The following MKNK2 variants were observed in gnomAD, a reference collection of about 807,000 sequenced individuals.
The protein encoded by MKNK2 is MAPK interacting serine/threonine kinase 2, also known as MAP kinase-interacting serine/threonine-protein kinase 2.
MKNK2 carries 54 observed loss-of-function variants against 55.0 expected under a neutral mutation model. The observed-to-expected ratio is 0.98, with a 90% CI of 0.79 to 1.23. MKNK2 has a LOEUF of 1.23. MKNK2 is among the 50% of genes most tolerant of loss of function. MKNK2 has a pLI of 0.00. For synonymous variants in MKNK2, 323 were observed against 256.0 expected, an observed-to-expected ratio of 1.26 and a Z score of -2.50; for missense variants, 685 against 632.1, an observed-to-expected ratio of 1.08 and a Z score of -0.90.
Position 2,042,047 on chromosome 19 carries a change from G to A in MKNK2, c.751-13C>T, listed in dbSNP as rs116957729. The A allele has an allele frequency of 2.7e-6, 4 of 1,470,944 alleles. No homozygotes were observed. Among genetic ancestry groups the A allele is most frequent in the Non-Finnish European group, 3.6e-6 (4 of 1,109,862 alleles). The allele number at this position is 1,470,944 out of a possible 1,614,324, so 91.1% of individuals were successfully genotyped here. ...CCGCCGAGCCGCACTGCGGGCGGGGGAGGGGCGCGTCAGCCGGGGTTTCCC... is the reference window on the plus strand; with the variant it reads ...CCGCCGAGCCGCACTGCGGGCGGGGAAGGGGCGCGTCAGCCGGGGTTTCCC... On this transcript the variant is annotated splice_polypyrimidine_tract_variant and intron_variant, in intron 10 of 13. Transcript: ENST00000250896.
chr19:2,040,308 C>T (rs776337977), intron 12 of MKNK2, 131 bp from the exon 13 acceptor site: 1 of 817,586 alleles, frequency 1.2e-6, no homozygotes. Flanking sequence ...AGGAGTGCAC[C>T]TGGGTGCCCC....
chr19:2,046,583 C>T, intron 3 of MKNK2, 21 bp downstream of exon 3: 1 of 1,557,600 alleles, frequency 6.4e-7, no homozygotes, highest in Non-Finnish European at 8.7e-7. Flanking sequence ...CCTGTGCCCT[C>T]CTCCCCCTCG....
In MKNK2 at chr19:2,037,847, A is replaced by AAAAAAAC; in HGVS notation, c.*1765_*1766insGTTTTTT. On this transcript the variant is annotated 3_prime_UTR_variant, in exon 14 of 14. Transcript: ENST00000250896. ...TGTCCCACCTTCAGAAAAAAAAAAA[A>AAAAAAAC]AAACAAACAAACAAACGCTGCTAGC... is the stretch of plus-strand genomic sequence containing the variant. 6.6e-7 allele frequency: 1 copy of AAAAAAAC among 1,512,948 alleles called. No individual in the cohort carries two copies. Among genetic ancestry groups the AAAAAAAC allele is most frequent in the South Asian group, 1.2e-5 (1 of 82,424 alleles). The allele number at this position is 1,512,948 out of a possible 1,614,324, so 93.7% of individuals were successfully genotyped here.
chr19:2,039,009 T>TG lies in MKNK2; in HGVS notation c.*603dup. The TG allele has an allele frequency of 1.1e-6, 1 of 938,026 alleles. No individual in the cohort carries two copies. 58.1% of individuals were successfully genotyped at this position (938,026 alleles called of 1,614,324 possible). A position where few individuals can be genotyped will look rare whatever the true frequency, so the allele number is the denominator to read the frequency against. ...GACAAGGCAGGCGCGGGTGAAGGGC[T>TG]GGGGGATCCCATGGGGTGGGTGGGT... On this transcript the variant is annotated 3_prime_UTR_variant, in exon 14 of 14. Coordinates refer to ENST00000250896, the MANE Select transcript of MKNK2 (RefSeq NM_199054.3).
intron 3 of MKNK2, 55 bp downstream of exon 3, chr19:2,046,549 T>C: frequency 6.4e-7 from 1 of 1,554,918 alleles, no homozygotes; most frequent in Non-Finnish European, 8.7e-7. Context: ...GGCTGGCCAC[T>C]GCCATGGCAG....
At position 2,038,130 on chromosome 19, in the gene MKNK2, T is replaced by G. The variant is rs552255354; in HGVS notation, c.*1483A>C. 6 of 1,066,742 alleles carry G rather than the reference T, an allele frequency of 5.6e-6. No homozygotes were observed. In the East Asian group the frequency reaches 3.1e-4, roughly 56 times the overall value. 66.1% of individuals were successfully genotyped at this position (1,066,742 alleles called of 1,614,324 possible). A position where few individuals can be genotyped will look rare whatever the true frequency, so the allele number is the denominator to read the frequency against. ...CACGGCCACCGGACTGTGACCATCA[T>G]ACGAGATTCAGGAGGGGCAGCAGGG... On this transcript the variant is annotated 3_prime_UTR_variant, in exon 14 of 14. Coordinates refer to ENST00000250896, the MANE Select transcript of MKNK2 (RefSeq NM_199054.3).
rs956215978 is a variant in MKNK2 at position 2,039,178 on chromosome 19, G to A, written c.*435C>T. The A allele has an allele frequency of 3.0e-5, 30 of 1,005,342 alleles. No homozygotes were observed. The East Asian group carries it at 1.5e-3, about 50-fold the overall frequency. 62.3% of individuals were successfully genotyped at this position (1,005,342 alleles called of 1,614,324 possible). A position where few individuals can be genotyped will look rare whatever the true frequency, so the allele number is the denominator to read the frequency against. On this transcript the variant is annotated 3_prime_UTR_variant, in exon 14 of 14. Coordinates refer to ENST00000250896, the MANE Select transcript of MKNK2 (RefSeq NM_199054.3). Reference sequence around the variant, plus strand: ...AATACTGCGGGCTGGGAGGGAACACGAGGGCAGGGTCCTGTGCCCCTCCCC... The same window carrying A: ...AATACTGCGGGCTGGGAGGGAACACAAGGGCAGGGTCCTGTGCCCCTCCCC...
rs535769862 is a variant in MKNK2, at chr19:2,038,165, C to A, written c.*1448G>T. On this transcript the variant is annotated 3_prime_UTR_variant, in exon 14 of 14. Transcript: ENST00000250896. ...AGGAGGGGCAGCAGGGCCAGGCAGA[C>A]GGTCTCCGAGGCCCCCACCCCCAGG... is the stretch of plus-strand genomic sequence containing the variant. 1.7e-5 allele frequency: 18 copies of A among 1,031,770 alleles called. No homozygotes were observed. In the East Asian group the frequency reaches 4.7e-4, roughly 27 times the overall value. The allele number at this position is 1,031,770 out of a possible 1,614,324, so 63.9% of individuals were successfully genotyped here.
Position 2,046,619 on chromosome 19 carries a change from A to G in MKNK2, c.124T>C (p.Cys42Arg), listed in dbSNP as rs376495867. The G allele has an allele frequency of 1.1e-5, 18 of 1,567,846 alleles. No individual in the cohort carries two copies. Among genetic ancestry groups the G allele is most frequent in the Non-Finnish European group, 1.5e-5 (17 of 1,157,632 alleles). ...DHGDSDFGLQ[C>R]SARPDMPASQ... ...GGCCCCTCACCAGGGCGGGCTGAGC[A>G]CTGCAGGCCAAAGTCAGAGTCTCCG... The change falls in exon 3 of 14, where the codon TGC becomes CGC. Residue 42 changes from cysteine (C) to arginine (R), a missense_variant. By Grantham distance (180) the Cys-to-Arg change is radical. Transcript: ENST00000250896.
Position 2,039,393 on chromosome 19 carries a change from T to C in MKNK2, c.*220A>G. On this transcript the variant is annotated 3_prime_UTR_variant, in exon 14 of 14. Transcript: ENST00000250896. ...CCTTCCCGGGTGCCTGCAATGCTTT[T>C]AACCATCCAAAGGAAAAAATAACGG... 2.1e-6 allele frequency: 3 copies of C among 1,403,516 alleles called. No individual in the cohort carries two copies. Among genetic ancestry groups the C allele is most frequent in the East Asian group, 2.6e-5 (1 of 39,200 alleles). 86.9% of individuals were successfully genotyped at this position (1,403,516 alleles called of 1,614,324 possible).
rs2016789189 is a variant in MKNK2 at position 2,038,006 on chromosome 19, G to C, written c.*1607C>G. 7.4e-7 allele frequency: 1 copy of C among 1,355,356 alleles called. No homozygotes were observed. Among genetic ancestry groups the C allele is most frequent in the South Asian group, 1.8e-5 (1 of 56,854 alleles). The allele number at this position is 1,355,356 out of a possible 1,614,324, so 84.0% of individuals were successfully genotyped here. A position where few individuals can be genotyped will look rare whatever the true frequency, so the allele number is the denominator to read the frequency against. The stretch of plus-strand genomic sequence containing the variant: ...ATCACTGACAGGCGAGAAGTGATGG[G>C]GGAAAGGGGTGGGCGGAATGCCCCA... On this transcript the variant is annotated 3_prime_UTR_variant, in exon 14 of 14. Transcript: ENST00000250896.
At chr19:2,039,927 C>T in intron 13 of MKNK2, 71 bp from the exon 14 acceptor site, 1 of 1,524,512 alleles carries the variant, frequency 6.6e-7, no homozygotes, top group Non-Finnish European at 8.9e-7. Flanking sequence ...TCTGTGAAGG[C>T]CCTGGGGGAA....
intron 2 of MKNK2, 96 bp from the exon 3 acceptor site, chr19:2,046,787 C>G: frequency 1.0e-6 from 1 of 978,148 alleles, no homozygotes; most frequent in Non-Finnish European, 1.5e-6. Context: ...TCCACACTGA[C>G]AAGCCCTGCG....
At position 2,046,469 on chromosome 19, in the gene MKNK2, CTG is replaced by C; in HGVS notation, c.140-3_140-2del. On this transcript the variant is annotated splice_acceptor_variant and splice_polypyrimidine_tract_variant and intron_variant, in intron 3 of 13. Coordinates refer to ENST00000250896, the MANE Select transcript of MKNK2 (RefSeq NM_199054.3). LOFTEE classifies it high-confidence loss of function. Reference sequence around the variant, plus strand: ...TCAATGGGCTGGCTGGCGGGCATGTCTGTTCCAGGAGGCACGCCCAGGGGGCT... The same window carrying C: ...TCAATGGGCTGGCTGGCGGGCATGTCTTCCAGGAGGCACGCCCAGGGGGCT... The C allele has an allele frequency of 6.2e-7, 1 of 1,607,698 alleles. No individual in the cohort carries two copies. The highest frequency in any genetic ancestry group is 8.5e-7 in the Non-Finnish European group (1 of 1,179,154).
At chr19:2,043,075 T>C (rs1251597531) in intron 7 of MKNK2, 49 bp downstream of exon 7, 1 of 1,527,628 alleles carries the variant, frequency 6.5e-7, no homozygotes, top group Non-Finnish European at 9.1e-7. Context: ...CCCCATCCCG[T>C]AATACCTCCC....
chr19:2,042,067 T>C, intron 10 of MKNK2, 33 bp from the exon 11 acceptor site: 2 of 1,451,956 alleles, frequency 1.4e-6, no homozygotes, highest in Non-Finnish European at 1.8e-6. Context: ...TCAGCCGGGG[T>C]TTCCCAGCAT....
chr19:2,050,435 G>A (rs955507617), intron 2 of MKNK2, among the ~76,000 whole-genome samples: 1 of 152,182 alleles, frequency 6.6e-6, no homozygotes, highest in Non-Finnish European at 1.5e-5. Context: ...CCCCCCATAA[G>A]CCACATGCAG....
Position 2,042,029 on chromosome 19 carries a change from G to A in MKNK2, c.756C>T (p.Gly252=), listed in dbSNP as rs1246728844. The change falls in exon 11 of 14, where the codon GGC becomes GGT. Residue 252 remains glycine, a synonymous_variant. Coordinates refer to ENST00000250896, the MANE Select transcript of MKNK2 (RefSeq NM_199054.3). ...ISTPELLTPC[G]SAEYMAPEVV... Reference sequence around the variant, plus strand: ...CCTCCGGGGCCATGTACTCCGCCGAGCCGCACTGCGGGCGGGGGAGGGGCG... The same window carrying A: ...CCTCCGGGGCCATGTACTCCGCCGAACCGCACTGCGGGCGGGGGAGGGGCG... 17 of 1,494,676 alleles carry A rather than the reference G, an allele frequency of 1.1e-5. No homozygotes were observed. In the East Asian group the frequency reaches 4.6e-4, roughly 40 times the overall value. 92.6% of individuals were successfully genotyped at this position (1,494,676 alleles called of 1,614,324 possible).
intron 2 of MKNK2, among the ~76,000 whole-genome samples, chr19:2,046,920 C>T (rs1314902854): frequency 1.3e-5 from 2 of 152,226 alleles, no homozygotes; most frequent in Non-Finnish European, 2.9e-5. Flanking sequence ...TGGGATTCAC[C>T]TCCTCGCTGC....
Sources: gnomAD v4.1 joint callset for allele counts (sites outside exome capture counted in the v4.1 genomes callset) on GRCh38, gnomAD v4.1.1 for gene constraint, MANE v1.5 for transcripts, NCBI Gene and HGNC (gene_info 2026-07-23, HGNC 2026-07-21) for gene names.